TAFA5: variants seen among roughly 807,000 people sequenced by gnomAD.
TAFA5 encodes the protein TAFA chemokine like family member 5, also known as chemokine-like protein TAFA-5.
A neutral mutation model predicts 15.3 loss-of-function variants in TAFA5; 6 were observed. The observed-to-expected ratio is 0.39, with a 90% CI of 0.21 to 0.77. TAFA5 has a LOEUF of 0.77. Ranked by LOEUF, TAFA5 falls within the 30% of genes least tolerant of loss-of-function variation. The pLI is 0.41. For missense variants in TAFA5, 161 were observed against 193.1 expected (o/e 0.83, Z 0.98); for synonymous variants, 103 against 80.7 (o/e 1.28, Z -1.48).
intron 1 of TAFA5, among the ~76,000 whole-genome samples, chr22:48,570,779 TG>T (rs1236911434): frequency 1.3e-5 from 2 of 152,236 alleles, no homozygotes; most frequent in Non-Finnish European, 2.9e-5. Context: ...AAAATTTGAA[TG>T]GAATTAAAGG....
At chr22:48,579,996 G>C (rs1923973163) in intron 1 of TAFA5, among the ~76,000 whole-genome samples, 1 of 152,186 alleles carries the variant, frequency 6.6e-6, no homozygotes, top group Non-Finnish European at 1.5e-5. Flanking sequence ...GCATTCGACG[G>C]CTTGAACGTG....
At chr22:48,671,277 G>A (rs1927796249) in intron 2 of TAFA5, among the ~76,000 whole-genome samples, 1 of 152,214 alleles carries the variant, frequency 6.6e-6, no homozygotes, top group South Asian at 2.1e-4. Flanking sequence ...CCTCCTCAAT[G>A]TGCAGGGAGC....
At chr22:48,504,487 T>A (rs1920974252) in intron 1 of TAFA5, among the ~76,000 whole-genome samples, 1 of 152,058 alleles carries the variant, frequency 6.6e-6, no homozygotes, top group African/African-American at 2.4e-5. Flanking sequence ...ATTCTTTTCC[T>A]CCTGGGCAGT....
intron 2 of TAFA5, among the ~76,000 whole-genome samples, chr22:48,707,359 C>T (rs1200688878): frequency 6.6e-6 from 1 of 152,210 alleles, no homozygotes; most frequent in Non-Finnish European, 1.5e-5. Flanking sequence ...GAACCCCCTC[C>T]TCCTGCCTTC....
At chr22:48,724,544 A>G (rs1929662145) in intron 3 of TAFA5, among the ~76,000 whole-genome samples, 1 of 152,248 alleles carries the variant, frequency 6.6e-6, no homozygotes, top group Admixed American at 6.5e-5. Flanking sequence ...GCCTCTGCCC[A>G]GTGTCCAGTT....
At chr22:48,718,534 G>A (rs1054660416) in intron 3 of TAFA5, among the ~76,000 whole-genome samples, 4 of 152,030 alleles carry the variant, frequency 2.6e-5, no homozygotes, top group African/African-American at 9.7e-5. Context: ...TGCCCTGTCC[G>A]ACCCCCATTA....
At chr22:48,576,601 C>T (rs1923815825) in intron 1 of TAFA5, 5 of 1,406,474 alleles carry the variant, frequency 3.6e-6, no homozygotes, top group Non-Finnish European at 4.7e-6. Flanking sequence ...CGGACCGGTC[C>T]TCCGCGCTCT....
At chr22:48,516,169 A>T (rs908466206) in intron 1 of TAFA5, among the ~76,000 whole-genome samples, 8 of 152,140 alleles carry the variant, frequency 5.3e-5, no homozygotes. Flanking sequence ...CCAAAGACTA[A>T]TTAAACCAGA....
intron 1 of TAFA5, among the ~76,000 whole-genome samples, chr22:48,591,783 G>A (rs1031771930): frequency 6.6e-6 from 1 of 152,154 alleles, no homozygotes; most frequent in African/African-American, 2.4e-5. Flanking sequence ...TGGTGGCGTG[G>A]CAGAGGGAGG....
intron 1 of TAFA5, among the ~76,000 whole-genome samples, chr22:48,584,448 C>T (rs1348814494): frequency 6.7e-6 from 1 of 149,834 alleles, no homozygotes; most frequent in Non-Finnish European, 1.5e-5. Context: ...ATACACCACA[C>T]ACGTACACAC....
intron 3 of TAFA5, among the ~76,000 whole-genome samples, chr22:48,731,030 G>T (rs1370912477): frequency 6.6e-6 from 1 of 152,122 alleles, no homozygotes; most frequent in Non-Finnish European, 1.5e-5. Context: ...TAGAGCAAAG[G>T]ATAAATTATT....
chr22:48,525,587 G>A (rs1921753834), intron 1 of TAFA5, among the ~76,000 whole-genome samples: 1 of 152,200 alleles, frequency 6.6e-6, no homozygotes, highest in African/African-American at 2.4e-5. Context: ...GCGGTCCCCA[G>A]GCTTGAGCAT....
chr22:48,679,650 G>C (rs1312072817), intron 2 of TAFA5, among the ~76,000 whole-genome samples: 13 of 35,244 alleles, frequency 3.7e-4, no homozygotes, highest in Admixed American at 6.8e-4. Flanking sequence ...ATCCCTCTCC[G>C]GGCTCCCCGT....
At chr22:48,586,027 A>G (rs1924346138) in intron 1 of TAFA5, among the ~76,000 whole-genome samples, 1 of 152,198 alleles carries the variant, frequency 6.6e-6, no homozygotes, top group African/African-American at 2.4e-5. Flanking sequence ...GGTGGACCCC[A>G]GCTTCGGCCT....
intron 2 of TAFA5, among the ~76,000 whole-genome samples, chr22:48,651,462 G>T (rs1927050621): frequency 6.6e-6 from 1 of 152,218 alleles, no homozygotes; most frequent in Non-Finnish European, 1.5e-5. Flanking sequence ...CCAGGCATGA[G>T]GCCTTGCGAG....
chr22:48,746,041 C>T (rs1930319967), intron 3 of TAFA5, among the ~76,000 whole-genome samples: 1 of 152,188 alleles, frequency 6.6e-6, no homozygotes, highest in South Asian at 2.1e-4. Flanking sequence ...CAGCGATGGG[C>T]TGGGGTCCTT....
At chr22:48,688,470 G>C (rs907207351) in intron 2 of TAFA5, among the ~76,000 whole-genome samples, 2 of 152,292 alleles carry the variant, frequency 1.3e-5, no homozygotes, top group Admixed American at 6.5e-5. Flanking sequence ...TGTTCTCCTG[G>C]AGTCTTGTCT....
At chr22:48,559,103 G>A (rs1258408340) in intron 1 of TAFA5, among the ~76,000 whole-genome samples, 1 of 152,166 alleles carries the variant, frequency 6.6e-6, no homozygotes, top group African/African-American at 2.4e-5. Flanking sequence ...ACACAGTGCC[G>A]AGGGGCCCAA....
At chr22:48,730,731 G>A (rs910411951) in intron 3 of TAFA5, among the ~76,000 whole-genome samples, 17 of 152,144 alleles carry the variant, frequency 1.1e-4, no homozygotes, top group Non-Finnish European at 2.9e-5. Context: ...AACCATGCCC[G>A]TGTAAGATGG....
Sources: gnomAD v4.1 joint callset for allele counts (sites outside exome capture counted in the v4.1 genomes callset) on GRCh38, gnomAD v4.1.1 for gene constraint, MANE v1.5 for transcripts, NCBI Gene and HGNC (gene_info 2026-07-23, HGNC 2026-07-21) for gene names.